The following NRG3 variants were observed in gnomAD, a reference collection of about 807,000 sequenced individuals.
NRG3 encodes pro-neuregulin-3, membrane-bound isoform.
Under a neutral mutation model 66.9 loss-of-function variants are expected in NRG3, and 31 were observed. That is an observed-to-expected ratio of 0.46 (90% confidence interval 0.35 to 0.63). NRG3 has a LOEUF of 0.63. NRG3 is among the 20% of genes least tolerant of loss of function. The probability of loss-of-function intolerance (pLI) is 0.00; values close to 1 mark genes in which losing one functional copy is unlikely to be tolerated. For missense variants in NRG3, 910 were observed against 878.9 expected (o/e 1.04, Z -0.45); for synonymous variants, 393 against 359.4 (o/e 1.09, Z -1.06).
At chr10:82,025,670 T>C (rs2062267531) in intron 1 of NRG3, among the ~76,000 whole-genome samples, 1 of 152,130 alleles carries the variant, frequency 6.6e-6, no homozygotes, top group African/African-American at 2.4e-5. Context: ...TTTGTTTTGG[T>C]TGACGAGTGA....
intron 1 of NRG3, among the ~76,000 whole-genome samples, chr10:82,081,911 T>C (rs933405787): frequency 6.6e-6 from 1 of 152,188 alleles, no homozygotes; most frequent in South Asian, 2.1e-4. Context: ...TCCCAAATGC[T>C]AGAGAGGCTG....
At chr10:82,034,790 G>A (rs555220634) in intron 1 of NRG3, among the ~76,000 whole-genome samples, 48 of 152,092 alleles carry the variant, frequency 3.2e-4, no homozygotes, top group African/African-American at 1.1e-3. Flanking sequence ...TCTTGTCACT[G>A]CCAAGTAGAC....
intron 1 of NRG3, among the ~76,000 whole-genome samples, chr10:82,231,174 C>T (rs1003529505): frequency 6.6e-6 from 1 of 152,014 alleles, no homozygotes; most frequent in Non-Finnish European, 1.5e-5. Context: ...GAAACCCCGT[C>T]TCTACTAAAA....
At chr10:82,950,818 A>G (rs1440848543) in intron 4 of NRG3, among the ~76,000 whole-genome samples, 1 of 152,192 alleles carries the variant, frequency 6.6e-6, no homozygotes, top group Non-Finnish European at 1.5e-5. Context: ...GTGGCTACAG[A>G]GTGAAATGTT....
At chr10:82,330,830 C>G (rs2082107115) in intron 1 of NRG3, among the ~76,000 whole-genome samples, 1 of 152,132 alleles carries the variant, frequency 6.6e-6, no homozygotes, top group Non-Finnish European at 1.5e-5. Flanking sequence ...ATTGGCATTG[C>G]TGATGACATT....
intron 4 of NRG3, among the ~76,000 whole-genome samples, chr10:82,904,163 C>T (rs1208649435): frequency 6.6e-6 from 1 of 152,142 alleles, no homozygotes; most frequent in Non-Finnish European, 1.5e-5. Context: ...GAATGCAGCC[C>T]AACACAAATT....
At chr10:82,592,448 T>C (rs1036308025) in intron 2 of NRG3, among the ~76,000 whole-genome samples, 1 of 152,154 alleles carries the variant, frequency 6.6e-6, no homozygotes, top group African/African-American at 2.4e-5. Context: ...AAACAATTTC[T>C]AGGCAGGCAA....
intron 1 of NRG3, among the ~76,000 whole-genome samples, chr10:81,995,125 A>G (rs1448903952): frequency 3.9e-5 from 6 of 152,154 alleles, no homozygotes; most frequent in South Asian, 2.1e-4. Context: ...GGCTTTGCTA[A>G]TAATTTAACT....
intron 2 of NRG3, among the ~76,000 whole-genome samples, chr10:82,689,628 T>G (rs1364567986): frequency 6.6e-6 from 1 of 152,194 alleles, no homozygotes; most frequent in Non-Finnish European, 1.5e-5. Flanking sequence ...TGATATGAGT[T>G]GAATGACTTT....
chr10:82,132,860 T>G (rs1320756612), intron 1 of NRG3, among the ~76,000 whole-genome samples: 1 of 151,892 alleles, frequency 6.6e-6, no homozygotes, highest in African/African-American at 2.4e-5. Context: ...TTTATTGACA[T>G]ATATTTGCTC....
chr10:82,252,748 G>A (rs1009740939), intron 1 of NRG3, among the ~76,000 whole-genome samples: 1 of 152,066 alleles, frequency 6.6e-6, no homozygotes, highest in Non-Finnish European at 1.5e-5. Context: ...TTTCTGGATT[G>A]GAGAGTATAA....
At chr10:82,627,313 A>G (rs1239699189) in intron 2 of NRG3, among the ~76,000 whole-genome samples, 3 of 152,046 alleles carry the variant, frequency 2.0e-5, no homozygotes, top group Non-Finnish European at 4.4e-5. Flanking sequence ...TGCATCCTCC[A>G]TGCCCAGTAG....
intron 2 of NRG3, among the ~76,000 whole-genome samples, chr10:82,710,204 G>A (rs1431189860): frequency 2.6e-5 from 4 of 152,128 alleles, no homozygotes; most frequent in Non-Finnish European, 5.9e-5. Flanking sequence ...CAGATCATAG[G>A]ATATGTGCAC....
intron 2 of NRG3, among the ~76,000 whole-genome samples, chr10:82,643,012 C>G (rs972367122): frequency 6.6e-6 from 1 of 152,046 alleles, no homozygotes; most frequent in African/African-American, 2.4e-5. Context: ...AAGGTAGCCA[C>G]AAGATAACCA....
intron 1 of NRG3, among the ~76,000 whole-genome samples, chr10:82,047,638 G>T (rs549125239): frequency 6.6e-6 from 1 of 151,704 alleles, no homozygotes; most frequent in Admixed American, 6.6e-5. Flanking sequence ...ACCAGCTGCC[G>T]CAAAATCATG....
At chr10:82,055,913 C>A (rs2063825044) in intron 1 of NRG3, among the ~76,000 whole-genome samples, 1 of 152,046 alleles carries the variant, frequency 6.6e-6, no homozygotes, top group Non-Finnish European at 1.5e-5. Context: ...TTGAATTTCT[C>A]CTTTTGTTCT....
chr10:82,015,351 T>C (rs1427604304), intron 1 of NRG3, among the ~76,000 whole-genome samples: 2 of 152,222 alleles, frequency 1.3e-5, no homozygotes, highest in South Asian at 2.1e-4. Context: ...TGATCATTCA[T>C]ACTTCAAAAT....
At chr10:82,094,384 C>T (rs1405429241) in intron 1 of NRG3, among the ~76,000 whole-genome samples, 1 of 152,106 alleles carries the variant, frequency 6.6e-6, no homozygotes, top group Non-Finnish European at 1.5e-5. Flanking sequence ...CACTTGTGCA[C>T]TGTTGCTGGA....
chr10:82,432,860 A>T (rs2089912541), intron 2 of NRG3, among the ~76,000 whole-genome samples: 1 of 152,108 alleles, frequency 6.6e-6, no homozygotes, highest in Non-Finnish European at 1.5e-5. Flanking sequence ...TATCCAGTCT[A>T]TCATTGATGG....
Sources: allele counts gnomAD v4.1 joint callset (sites outside exome capture counted in the v4.1 genomes callset), GRCh38; gene constraint gnomAD v4.1.1; transcripts MANE v1.5; gene names NCBI Gene and HGNC (gene_info 2026-07-23, HGNC 2026-07-21).